The following CTNNA2 variants were observed in gnomAD, a reference collection of about 807,000 sequenced individuals.
The protein encoded by CTNNA2 is catenin alpha-2.
A neutral mutation model predicts 101.0 loss-of-function variants in CTNNA2; 42 were observed. That is an observed-to-expected ratio of 0.42 (90% CI 0.32 to 0.54). CTNNA2 has a LOEUF of 0.54. Among genes scored for constraint, CTNNA2 ranks in the 20% least tolerant of loss-of-function variants. The pLI, the probability that CTNNA2 is intolerant of heterozygous loss-of-function variation, is 0.14. For synonymous variants in CTNNA2, 450 were observed against 456.4 expected, an observed-to-expected ratio of 0.99 and a Z score of 0.18; for missense variants, 871 against 1,223.1, an observed-to-expected ratio of 0.71 and a Z score of 4.29.
chr2:80,443,387 C>T (rs1682763195), intron 9 of CTNNA2, among the ~76,000 whole-genome samples: 3 of 152,142 alleles, frequency 2.0e-5, no homozygotes, highest in African/African-American at 7.2e-5. Flanking sequence ...CAGTCAATCG[C>T]AAATATTTAT....
intron 2 of CTNNA2, among the ~76,000 whole-genome samples, chr2:79,670,469 C>T (rs1558822236): frequency 6.6e-6 from 1 of 152,252 alleles, no homozygotes; most frequent in East Asian, 1.9e-4. Flanking sequence ...AAGACTGACT[C>T]CATGGAGTGT....
At chr2:79,267,987 G>A (rs567700789) in intron 2 of CTNNA2, among the ~76,000 whole-genome samples, 26 of 152,222 alleles carry the variant, frequency 1.7e-4, no homozygotes, top group South Asian at 1.5e-3. Flanking sequence ...TATTATCAAA[G>A]CACTCACTGA....
chr2:80,162,388 T>C (rs1407336863), intron 7 of CTNNA2: 1 of 1,428,394 alleles, frequency 7.0e-7, no homozygotes, highest in Non-Finnish European at 9.3e-7. Context: ...AATATTTCCA[T>C]ATCAACTTAG....
intron 3 of CTNNA2, among the ~76,000 whole-genome samples, chr2:79,851,569 T>C (rs907180739): frequency 1.3e-5 from 2 of 152,068 alleles, no homozygotes; most frequent in Admixed American, 1.3e-4. Flanking sequence ...ACAAGATCCG[T>C]TTTTCAGAAT....
At chr2:80,313,151 T>C (rs1200529629) in intron 7 of CTNNA2, among the ~76,000 whole-genome samples, 4 of 152,236 alleles carry the variant, frequency 2.6e-5, no homozygotes, top group Non-Finnish European at 5.9e-5. Flanking sequence ...TGGCCTCCTG[T>C]TGCAGATCTA....
At chr2:79,851,404 G>A (rs1020195894) in intron 3 of CTNNA2, among the ~76,000 whole-genome samples, 2 of 152,176 alleles carry the variant, frequency 1.3e-5, no homozygotes, top group Non-Finnish European at 2.9e-5. Flanking sequence ...ATTCTGTTAT[G>A]TATTTTCCTT....
chr2:79,998,229 C>T (rs1377856332), intron 7 of CTNNA2, among the ~76,000 whole-genome samples: 4 of 152,218 alleles, frequency 2.6e-5, no homozygotes, highest in South Asian at 2.1e-4. Flanking sequence ...GGATTCATTT[C>T]GTTGAAACTA....
intron 7 of CTNNA2, among the ~76,000 whole-genome samples, chr2:80,038,218 A>G (rs1293353343): frequency 6.6e-6 from 1 of 152,200 alleles, no homozygotes; most frequent in Non-Finnish European, 1.5e-5. Flanking sequence ...CACAGCATGT[A>G]ATGTTTGTCC....
Position 79,869,808 on chromosome 2 carries a change from C to T in CTNNA2, c.466-8C>T. The T allele has an allele frequency of 1.2e-6, 2 of 1,608,794 alleles. No individual in the cohort carries two copies. Among genetic ancestry groups the T allele is most frequent in the Admixed American group, 1.7e-5 (1 of 58,802 alleles). On this transcript the variant is annotated splice_region_variant and splice_polypyrimidine_tract_variant and intron_variant, in intron 4 of 18. Coordinates refer to ENST00000402739, the MANE Select transcript of CTNNA2 (RefSeq NM_001282597.3). ...CACTAATAAATATGTTGTTTTTCAC[C>T]ACTGCAGGTGGAAGAGGCCCTGGAA... is the stretch of plus-strand genomic sequence containing the variant.
intron 7 of CTNNA2, among the ~76,000 whole-genome samples, chr2:80,274,462 A>T (rs1294791265): frequency 6.6e-6 from 1 of 152,208 alleles, no homozygotes. Flanking sequence ...TACACAGTGT[A>T]TTATGACAAC....
At chr2:79,802,643 G>A (rs1676255854) in intron 3 of CTNNA2, among the ~76,000 whole-genome samples, 1 of 152,210 alleles carries the variant, frequency 6.6e-6, no homozygotes, top group Admixed American at 6.5e-5. Flanking sequence ...GATACAGAAT[G>A]AAGCAAGGAG....
intron 18 of CTNNA2, among the ~76,000 whole-genome samples, chr2:80,631,975 A>C (rs182383920): frequency 7.9e-5 from 12 of 152,242 alleles, no homozygotes; most frequent in Non-Finnish European, 1.6e-4. Flanking sequence ...TGGAAAAAAA[A>C]TAAAGTATAT....
chr2:79,319,039 C>A (rs10194339), intron 3 of CTNNA2, among the ~76,000 whole-genome samples: 16,256 of 152,132 alleles, frequency 0.11, 1,048 homozygotes, highest in Middle Eastern at 0.21. Flanking sequence ...AAGGAAAGGA[C>A]TCTATTCAGT....
intron 9 of CTNNA2, among the ~76,000 whole-genome samples, chr2:80,506,687 A>C (rs1222036618): frequency 6.6e-5 from 10 of 152,152 alleles, no homozygotes; most frequent in Non-Finnish European, 1.5e-5. Flanking sequence ...ACAACTCTGA[A>C]GGCAGGAGGC....
chr2:80,045,592 A>T (rs1222415741), intron 7 of CTNNA2, among the ~76,000 whole-genome samples: 1 of 152,216 alleles, frequency 6.6e-6, no homozygotes, highest in East Asian at 1.9e-4. Context: ...CTAAATCAAG[A>T]GTACATTTCC....
intron 1 of CTNNA2, among the ~76,000 whole-genome samples, chr2:79,647,165 T>G (rs996533115): frequency 6.6e-6 from 1 of 152,202 alleles, no homozygotes; most frequent in Admixed American, 6.5e-5. Context: ...CTCGTGAGAC[T>G]GCACACTTGA....
rs555294600 is a variant in CTNNA2 at position 80,197,629 on chromosome 2, C to T, written c.1057-195582C>T. On this transcript the variant is annotated intron_variant, in intron 7 of 18. Transcript: ENST00000402739. ...CTCAGAACATTCATTTTCTACTGCC[C>T]AAACTTCTCCATCCTCTCTACAGAT... 4.6e-5 allele frequency among the ~76,000 whole-genome samples: 7 copies of T among 152,222 alleles called. No individual in the cohort carries two copies. The East Asian group carries it at 1.4e-3, about 29-fold the overall frequency.
intron 17 of CTNNA2, chr2:80,618,594 T>A (rs1300799125): frequency 6.6e-6 from 1 of 151,986 alleles, no homozygotes; most frequent in Non-Finnish European, 1.5e-5. Flanking sequence ...AAGTATCCCC[T>A]TAGTAGAGGA....
chr2:79,722,491 T>C (rs1234692925), intron 2 of CTNNA2, among the ~76,000 whole-genome samples: 2 of 152,194 alleles, frequency 1.3e-5, no homozygotes, highest in East Asian at 3.8e-4. Flanking sequence ...TTTAGTAATA[T>C]ATAATGCTTC....
Sources: gnomAD v4.1 joint callset for allele counts (sites outside exome capture counted in the v4.1 genomes callset) on GRCh38, gnomAD v4.1.1 for gene constraint, MANE v1.5 for transcripts, NCBI Gene and HGNC (gene_info 2026-07-23, HGNC 2026-07-21) for gene names.